GOPC: variants seen among roughly 807,000 people sequenced by gnomAD.
GOPC encodes Golgi-associated PDZ and coiled-coil motif-containing protein.
A neutral mutation model predicts 51.2 loss-of-function variants in GOPC; 32 were observed. The observed-to-expected ratio is 0.63, with a 90% CI of 0.47 to 0.84. The LOEUF (loss-of-function observed/expected upper bound fraction) is 0.84, where lower values mean the gene tolerates loss of function less well. Among genes scored for constraint, GOPC ranks in the 40% least tolerant of loss-of-function variants. The pLI is 0.00. For missense variants in GOPC, 441 were observed against 555.5 expected (o/e 0.79, Z 2.07); for synonymous variants, 190 against 205.1 (o/e 0.93, Z 0.63).
At chr6:117,598,581 GAAGCTGGC>G (rs1771925532) in intron 1 of GOPC, among the ~76,000 whole-genome samples, 2 of 152,146 alleles carry the variant, frequency 1.3e-5, no homozygotes, top group South Asian at 4.1e-4. Context: ...ACTCTCACAA[GAAGCTGGC>G]AACCCAGATA....
chr6:117,577,015 T>C (rs1464315116), intron 3 of GOPC, among the ~76,000 whole-genome samples: 1 of 56,746 alleles, frequency 1.8e-5, no homozygotes, highest in Non-Finnish European at 3.1e-5. Flanking sequence ...CTCAAGACTC[T>C]TGAAAAGTTG....
Position 117,562,046 on chromosome 6 carries a change from T to A in GOPC, c.*1208A>T, listed in dbSNP as rs1189723472. 2.4e-5 allele frequency: 5 copies of A among 206,552 alleles called. No individual in the cohort carries two copies. The highest frequency in any genetic ancestry group is 4.0e-5 in the Non-Finnish European group (4 of 101,072). 12.8% of individuals were successfully genotyped at this position (206,552 alleles called of 1,614,324 possible). A position where few individuals can be genotyped will look rare whatever the true frequency, so the allele number is the denominator to read the frequency against. Reference sequence around the variant, plus strand: ...TAAAACAGTGATATTAGCAAAGCTATCACCTCTTTAATGCAATGTTGTGAC... The same window carrying A: ...TAAAACAGTGATATTAGCAAAGCTAACACCTCTTTAATGCAATGTTGTGAC... On this transcript the variant is annotated 3_prime_UTR_variant, in exon 9 of 9. Coordinates refer to ENST00000368498, the MANE Select transcript of GOPC (RefSeq NM_020399.4).
At chr6:117,590,044 G>A (rs1780092065) in intron 1 of GOPC, among the ~76,000 whole-genome samples, 1 of 152,188 alleles carries the variant, frequency 6.6e-6, no homozygotes, top group Non-Finnish European at 1.5e-5. Flanking sequence ...AATGGAGCAG[G>A]CACTGTATAC....
chr6:117,589,317 T>A (rs1780080123), intron 1 of GOPC, among the ~76,000 whole-genome samples: 1 of 152,224 alleles, frequency 6.6e-6, no homozygotes, highest in Non-Finnish European at 1.5e-5. Context: ...TTTTCTTATT[T>A]TTTATTTATT....
intron 1 of GOPC, among the ~76,000 whole-genome samples, chr6:117,601,359 A>C (rs561844785): frequency 6.6e-6 from 1 of 152,324 alleles, no homozygotes; most frequent in South Asian, 2.1e-4. Flanking sequence ...GGAAAATTAC[A>C]CAGTAATGTA....
chr6:117,566,372 A>T (rs1779696727), intron 8 of GOPC, among the ~76,000 whole-genome samples: 1 of 152,188 alleles, frequency 6.6e-6, no homozygotes, highest in Non-Finnish European at 1.5e-5. Context: ...TCCTTAAAAT[A>T]TGTCTAAATG....
rs769424706 is a variant in GOPC, at chr6:117,566,862, A to G, written c.1250T>C (p.Val417Ala). ...TTTAGAGTGATTTTTACCTTGTAATACTTTGATTTCCCCACTTGTGTCTTT... is the reference window on the plus strand; with the variant it reads ...TTTAGAGTGATTTTTACCTTGTAATGCTTTGATTTCCCCACTTGTGTCTTT... ...SCKDTSGEIK[V>A]LQGFNKKAVT... Residue 417 changes from valine (V) to alanine (A), a missense_variant, in exon 8 of 9, where the codon GTA (valine) becomes GCA (alanine). This residue lies in a region of GOPC where 71 missense variants were observed against 68.8 expected (regional missense o/e 1.03). Coordinates refer to ENST00000368498, the MANE Select transcript of GOPC (RefSeq NM_020399.4). The G allele has an allele frequency of 3.8e-6, 6 of 1,566,518 alleles. 1 individual carries two copies. The South Asian group carries it at 7.4e-5, about 19-fold the overall frequency.
At chr6:117,597,434 T>G (rs1001205631) in intron 1 of GOPC, among the ~76,000 whole-genome samples, 16 of 152,148 alleles carry the variant, frequency 1.1e-4, no homozygotes, top group African/African-American at 3.9e-4. Context: ...TGAATAGAAG[T>G]GGTGAAGGGG....
chr6:117,569,261 T>C (rs889757935), intron 7 of GOPC, among the ~76,000 whole-genome samples: 4 of 152,246 alleles, frequency 2.6e-5, no homozygotes, highest in Non-Finnish European at 5.9e-5. Context: ...TCTCAGGTCC[T>C]GTTCTGAGTA....
intron 1 of GOPC, among the ~76,000 whole-genome samples, chr6:117,591,014 A>G (rs1182386003): frequency 6.6e-6 from 1 of 152,042 alleles, no homozygotes; most frequent in Non-Finnish European, 1.5e-5. Flanking sequence ...CACCACACCC[A>G]GCTAATTTTG....
At chr6:117,584,465 G>A (rs1204759180) in intron 1 of GOPC, among the ~76,000 whole-genome samples, 1 of 152,158 alleles carries the variant, frequency 6.6e-6, no homozygotes, top group Non-Finnish European at 1.5e-5. Flanking sequence ...GCAGCTCACA[G>A]AACTCATGGA....
rs1261793854 is a variant in GOPC, at chr6:117,570,974, G to A, written c.817-19C>T. On this transcript the variant is annotated intron_variant, in intron 5 of 8. Transcript: ENST00000368498. ...CTTGATCCTTATTGGGAGGAAAAAA[G>A]AAGAAAAAGTAGTATCATTTAAATA... The A allele has an allele frequency of 1.5e-6, 2 of 1,295,784 alleles. No individual in the cohort carries two copies. The highest frequency in any genetic ancestry group is 1.8e-5 in the Admixed American group (1 of 54,252). The allele number at this position is 1,295,784 out of a possible 1,614,324, so 80.3% of individuals were successfully genotyped here. A position where few individuals can be genotyped will look rare whatever the true frequency, so the allele number is the denominator to read the frequency against.
At chr6:117,566,663 T>C (rs542188075) in intron 8 of GOPC, among the ~76,000 whole-genome samples, 191 bp downstream of exon 8, 19 of 152,246 alleles carry the variant, frequency 1.2e-4, no homozygotes, top group African/African-American at 4.3e-4. Flanking sequence ...CAGTCCAAGA[T>C]GAATATAGAA....
Position 117,566,841 on chromosome 6 carries a change from G to C in GOPC, c.1258+13C>G, listed in dbSNP as rs1562137579. Reference sequence around the variant, plus strand: ...ATGAATATGTTAATAATAATTTTTAGAGTGATTTTTACCTTGTAATACTTT... The same window carrying C: ...ATGAATATGTTAATAATAATTTTTACAGTGATTTTTACCTTGTAATACTTT... On this transcript the variant is annotated intron_variant, in intron 8 of 8. Coordinates refer to ENST00000368498, the MANE Select transcript of GOPC (RefSeq NM_020399.4). 2.7e-6 allele frequency: 4 copies of C among 1,499,886 alleles called. No homozygotes were observed. The Middle Eastern group carries it at 5.3e-4, about 200-fold the overall frequency. The allele number at this position is 1,499,886 out of a possible 1,614,324, so 92.9% of individuals were successfully genotyped here. A position where few individuals can be genotyped will look rare whatever the true frequency, so the allele number is the denominator to read the frequency against.
chr6:117,566,832 T>C lies in GOPC; in HGVS notation c.1258+22A>G, dbSNP rs1779706279. 2.1e-6 allele frequency: 3 copies of C among 1,460,002 alleles called. No individual in the cohort carries two copies. The East Asian group carries it at 7.1e-5, about 35-fold the overall frequency. 90.4% of individuals were successfully genotyped at this position (1,460,002 alleles called of 1,614,324 possible). ...TTAATAATAATGAATATGTTAATAA[T>C]AATTTTTAGAGTGATTTTTACCTTG... On this transcript the variant is annotated intron_variant, in intron 8 of 8. Transcript: ENST00000368498.
In GOPC at chr6:117,575,349, T is replaced by C. The variant is rs1206531352; in HGVS notation, c.478A>G (p.Arg160Gly). The C allele has an allele frequency of 1.9e-6, 3 of 1,593,732 alleles. No individual in the cohort carries two copies. The African/African-American group carries it at 4.1e-5, about 22-fold the overall frequency. The change falls in exon 4 of 9, where the codon AGA becomes GGA. Residue 160 changes from arginine to glycine, a missense_variant. Physicochemically the swap from Arg to Gly is moderately radical, Grantham distance 125. This residue lies in a region of GOPC where 204 missense variants were observed against 219.8 expected (regional missense o/e 0.93). Transcript: ENST00000368498. ...TCTTTTTTGTTTGCCTCAAGCTCTC[T>C]TTCCTATGTAATTTTTAAAAGCATA... ...LSGPSVEELE[R>G]ELEANKKEKM...
intron 1 of GOPC, among the ~76,000 whole-genome samples, chr6:117,583,595 T>G (rs1191521488): frequency 6.6e-6 from 1 of 152,206 alleles, no homozygotes; most frequent in Non-Finnish European, 1.5e-5. Context: ...TCATGTTATA[T>G]TTGTATATAA....
Position 117,602,086 on chromosome 6 carries a change from T to C in GOPC, c.203A>G (p.Gln68Arg). ...GCAGGAGCTCAGGCTGGTCATCTTC[T>C]GTCGCCCCTCATAAGTGATGTCCGC... ...DQADITYEGR[Q>R]KMTSLSSCFA... The change falls in exon 1 of 9, where the codon CAG (glutamine) becomes CGG (arginine). Residue 68 changes from glutamine (Q) to arginine (R), a missense_variant. Physicochemically the swap from Gln to Arg is conservative, Grantham distance 43 (BLOSUM62 1). Around this residue, in one of 3 missense-constraint regions of GOPC, gnomAD observed 204 missense variants for 219.8 expected, o/e 0.93. Coordinates refer to ENST00000368498, the MANE Select transcript of GOPC (RefSeq NM_020399.4). 1 of 1,614,204 alleles carries C rather than the reference T, an allele frequency of 6.2e-7. No homozygotes were observed. The highest frequency in any genetic ancestry group is 1.3e-5 in the African/African-American group (1 of 75,056).
chr6:117,589,698 G>C (rs527858928), intron 1 of GOPC, among the ~76,000 whole-genome samples: 132 of 152,204 alleles, frequency 8.7e-4, no homozygotes, highest in African/African-American at 3.1e-3. Context: ...GATGTGAAAT[G>C]GAAACCAGTT....
Sources: gnomAD v4.1 joint callset for allele counts (sites outside exome capture counted in the v4.1 genomes callset) on GRCh38, gnomAD v4.1.1 for gene constraint, gnomAD v4.1.1 regional missense constraint, MANE v1.5 for transcripts, NCBI Gene and HGNC (gene_info 2026-07-23, HGNC 2026-07-21) for gene names.